KANSL1: variants seen among roughly 807,000 people sequenced by gnomAD.
The protein encoded by KANSL1 is MLL1/MLL complex subunit KANSL1.
A neutral mutation model predicts 103.6 loss-of-function variants in KANSL1; 22 were observed. That is an observed-to-expected ratio of 0.21 (90% CI 0.15 to 0.30). The LOEUF is 0.30. Among genes scored for constraint, KANSL1 ranks in the 10% least tolerant of loss-of-function variants. The probability of loss-of-function intolerance (pLI) is 1.00; values close to 1 mark genes in which losing one functional copy is unlikely to be tolerated. For missense variants in KANSL1, 1,337 were observed against 1,399.8 expected (o/e 0.96, Z 0.72); for synonymous variants, 600 against 527.6 (o/e 1.14, Z -1.88).
chr17:46,124,305 G>C (rs1014755275), intron 2 of KANSL1, among the ~76,000 whole-genome samples: 1 of 152,214 alleles, frequency 6.6e-6, no homozygotes, highest in Non-Finnish European at 1.5e-5. Flanking sequence ...AACAAAGCCA[G>C]GATGTCAGAA....
chr17:46,076,778 T>C (rs1193385583), intron 4 of KANSL1, among the ~76,000 whole-genome samples: 1 of 152,164 alleles, frequency 6.6e-6, no homozygotes. Flanking sequence ...TATTCCTAAG[T>C]ATTTTATGTT....
intron 2 of KANSL1, among the ~76,000 whole-genome samples, chr17:46,123,049 G>C (rs189053802): frequency 4.6e-5 from 7 of 152,188 alleles, no homozygotes; most frequent in Middle Eastern, 6.3e-3. Flanking sequence ...AGACACTTGC[G>C]GATGTTTTCT....
chr17:46,159,749 G>T (rs1328836602), intron 2 of KANSL1, among the ~76,000 whole-genome samples: 1 of 152,222 alleles, frequency 6.6e-6, no homozygotes, highest in Non-Finnish European at 1.5e-5. Context: ...GTTGTTTGGG[G>T]CTTTTCCACA....
chr17:46,146,327 C>T (rs1276959456), intron 2 of KANSL1, among the ~76,000 whole-genome samples: 1 of 152,170 alleles, frequency 6.6e-6, no homozygotes, highest in Non-Finnish European at 1.5e-5. Flanking sequence ...GCTCTATTTA[C>T]AGAGAGGGAA....
intron 3 of KANSL1, chr17:46,093,654 T>A (rs4575577): frequency 4.1e-4 from 62 of 152,774 alleles, no homozygotes; most frequent in Admixed American, 3.9e-3. Flanking sequence ...GCCTACTAAT[T>A]TAATGGATAC....
chr17:46,084,942 C>T (rs2079110879), intron 3 of KANSL1, among the ~76,000 whole-genome samples: 1 of 152,120 alleles, frequency 6.6e-6, no homozygotes, highest in South Asian at 2.1e-4. Context: ...ACTGCCTTCT[C>T]AAAACGTTGT....
At chr17:46,213,167 T>C (rs936381033) in intron 1 of KANSL1, among the ~76,000 whole-genome samples, 2 of 152,262 alleles carry the variant, frequency 1.3e-5, no homozygotes, top group African/African-American at 4.8e-5. Context: ...GCCTGTCTTC[T>C]GGGCTGCTGC....
intron 4 of KANSL1, among the ~76,000 whole-genome samples, chr17:46,068,286 G>A (rs948347496): frequency 2.6e-5 from 4 of 152,016 alleles, no homozygotes; most frequent in Admixed American, 6.6e-5. Flanking sequence ...CACACAGGCC[G>A]GGGATGGTGG....
At chr17:46,122,788 A>G (rs968613133) in intron 2 of KANSL1, among the ~76,000 whole-genome samples, 2 of 152,226 alleles carry the variant, frequency 1.3e-5, no homozygotes, top group Admixed American at 6.5e-5. Context: ...GTGATCTCTG[A>G]CACTGCCATT....
intron 7 of KANSL1, chr17:46,045,440 A>AAAAAAAAAAATATATATATATATATAT (rs950085495): frequency 6.9e-6 from 1 of 144,858 alleles, no homozygotes; most frequent in African/African-American, 2.5e-5. Context: ...TACATGTAAA[A>AAAAAAAAAAATATATATATATATATAT]ATATATATAT....
At chr17:46,162,689 T>C (rs2045804499) in intron 2 of KANSL1, among the ~76,000 whole-genome samples, 2 of 152,242 alleles carry the variant, frequency 1.3e-5, no homozygotes, top group Admixed American at 6.5e-5. Context: ...TTAGCCTAAA[T>C]TCACCTCTAT....
chr17:46,183,030 C>CTA (rs1186297877), intron 1 of KANSL1, among the ~76,000 whole-genome samples: 1 of 152,244 alleles, frequency 6.6e-6, no homozygotes. Flanking sequence ...AAGAGAGACA[C>CTA]TACTGTGTGA....
chr17:46,043,845 G>A (rs775891833), intron 7 of KANSL1: 4 of 152,098 alleles, frequency 2.6e-5, no homozygotes, highest in East Asian at 1.9e-4. Context: ...CGTATTAAGC[G>A]GAATCAAGAG....
chr17:46,144,113 A>T (rs1238574461), intron 2 of KANSL1, among the ~76,000 whole-genome samples: 1 of 152,214 alleles, frequency 6.6e-6, no homozygotes, highest in Non-Finnish European at 1.5e-5. Flanking sequence ...AAAAATTATA[A>T]TTAGGTCAAG....
intron 1 of KANSL1, among the ~76,000 whole-genome samples, chr17:46,203,486 G>A (rs533183829): frequency 6.6e-6 from 1 of 152,282 alleles, no homozygotes; most frequent in East Asian, 1.9e-4. Flanking sequence ...TAAACATACT[G>A]AGTACCAGTG....
chr17:46,153,790 T>C (rs929255990), intron 2 of KANSL1, among the ~76,000 whole-genome samples: 10 of 152,150 alleles, frequency 6.6e-5, no homozygotes, highest in African/African-American at 2.2e-4. Context: ...ACTAAGACAA[T>C]CTGACCCTGA....
intron 4 of KANSL1, among the ~76,000 whole-genome samples, chr17:46,069,445 T>C (rs1340506557): frequency 6.6e-6 from 1 of 151,968 alleles, no homozygotes; most frequent in African/African-American, 2.4e-5. Context: ...TAGACAAGCA[T>C]CAAAAAGAAC....
At position 46,105,905 on chromosome 17, in the gene KANSL1, T is replaced by TGA. The variant is rs1286837544; in HGVS notation, c.1290-11206_1290-11205dup. ...CACACACACACACAGAGCAAGGCCT[T>TGA]GACACACACACACACACACACACAC... On this transcript the variant is annotated intron_variant, in intron 2 of 14. Coordinates refer to ENST00000432791, the MANE Select transcript of KANSL1 (RefSeq NM_015443.4). 5.4e-4 allele frequency among the ~76,000 whole-genome samples: 44 copies of TGA among 80,888 alleles called. 2 individuals are homozygous for TGA. Among genetic ancestry groups the TGA allele is most frequent in the African/African-American group, 2.6e-3 (39 of 15,248 alleles). 53.1% of individuals were successfully genotyped at this position (80,888 alleles called of 152,430 possible). A position where few individuals can be genotyped will look rare whatever the true frequency, so the allele number is the denominator to read the frequency against.
At chr17:46,134,544 T>C (rs1026198350) in intron 2 of KANSL1, among the ~76,000 whole-genome samples, 4 of 151,548 alleles carry the variant, frequency 2.6e-5, no homozygotes, top group African/African-American at 9.7e-5. Context: ...TGAATGTTAC[T>C]TAAAAGACGA....
Sources: gnomAD v4.1 joint callset for allele counts (sites outside exome capture counted in the v4.1 genomes callset) on GRCh38, gnomAD v4.1.1 for gene constraint, MANE v1.5 for transcripts, NCBI Gene and HGNC (gene_info 2026-07-23, HGNC 2026-07-21) for gene names.